Variants in STX2 observed in about 807,000 individuals in gnomAD.
STX2 encodes syntaxin-2.
STX2 carries 27 observed loss-of-function variants against 40.6 expected under a neutral mutation model. The observed-to-expected ratio is 0.66, with a 90% CI of 0.49 to 0.92. The LOEUF (loss-of-function observed/expected upper bound fraction) is 0.92, where lower values mean the gene tolerates loss of function less well. Ranked by LOEUF, STX2 falls within the 40% of genes least tolerant of loss-of-function variation. The pLI is 0.00. For synonymous variants in STX2, 123 were observed against 119.1 expected (o/e 1.03, Z -0.22); for missense variants, 328 against 366.1 (o/e 0.90, Z 0.85).
intron 5 of STX2, among the ~76,000 whole-genome samples, 161 bp downstream of exon 5, chr12:130,808,470 G>C (rs1230198260): frequency 6.6e-6 from 1 of 152,068 alleles, no homozygotes; most frequent in African/African-American, 2.4e-5. Flanking sequence ...ATAAACCTCT[G>C]TCTCAGATAC....
rs1253349862 is a variant in STX2, at chr12:130,821,628, G to A, written c.205+61C>T. 2.1e-5 allele frequency: 29 copies of A among 1,358,012 alleles called. 1 individual carries two copies. Among genetic ancestry groups the A allele is most frequent in the South Asian group, 3.5e-5 (3 of 84,658 alleles). 84.1% of individuals were successfully genotyped at this position (1,358,012 alleles called of 1,614,324 possible). A position where few individuals can be genotyped will look rare whatever the true frequency, so the allele number is the denominator to read the frequency against. ...TGAGGCCAGAGTTGAGGCCTGTGCC[G>A]CAGACAGCCAGAGGGACACACAGAC... is the stretch of plus-strand genomic sequence containing the variant. On this transcript the variant is annotated intron_variant, in intron 3 of 10. Transcript: ENST00000392373.
chr12:130,803,686 A>C lies in STX2; in HGVS notation c.464-2198T>G, dbSNP rs994362410. Among the ~76,000 whole-genome samples, 955 of 128,432 alleles carry C rather than the reference A, an allele frequency of 7.4e-3. 14 individuals carry two copies. The highest frequency in any genetic ancestry group is 9.8e-3 in the African/African-American group (325 of 33,112). The allele number at this position is 128,432 out of a possible 152,430, so 84.3% of individuals were successfully genotyped here. A position where few individuals can be genotyped will look rare whatever the true frequency, so the allele number is the denominator to read the frequency against. On this transcript the variant is annotated intron_variant, in intron 6 of 10. Transcript: ENST00000392373. Reference sequence around the variant, plus strand: ...TCTCTCAAAAAAAAAAAAAAAAAAAAAAACAAACTAAAAGTTACAGTTCAT... The same window carrying C: ...TCTCTCAAAAAAAAAAAAAAAAAAACAAACAAACTAAAAGTTACAGTTCAT...
chr12:130,815,754 T>G (rs1357037861), intron 3 of STX2, among the ~76,000 whole-genome samples: 2 of 152,192 alleles, frequency 1.3e-5, no homozygotes, highest in East Asian at 3.9e-4. Context: ...CACTTGTTTG[T>G]AGGGGGGCAA....
intron 4 of STX2, 55 bp downstream of exon 4, chr12:130,812,902 T>A: frequency 8.1e-7 from 1 of 1,230,760 alleles, no homozygotes; most frequent in Non-Finnish European, 1.1e-6. Flanking sequence ...AAGAAAAAAA[T>A]AACAAATACC....
At chr12:130,834,418 T>C (rs1952686712) in intron 1 of STX2, among the ~76,000 whole-genome samples, 1 of 146,230 alleles carries the variant, frequency 6.8e-6, no homozygotes, top group Non-Finnish European at 1.5e-5. Context: ...AGAAGTCCAG[T>C]GGTTCAGACA....
At position 130,833,058 on chromosome 12, in the gene STX2, C is replaced by CCA. The variant is rs1165642371; in HGVS notation, c.31-5793_31-5792dup. 2.0e-5 allele frequency among the ~76,000 whole-genome samples: 3 copies of CCA among 152,322 alleles called. No homozygotes were observed. The East Asian group carries it at 5.8e-4, about 29-fold the overall frequency. ...GCTGTCTATCTCCCAGCTGCAGGTTCCACAAGAGCAAGGACTTCTGTCTTT... is the reference window on the plus strand; with the variant it reads ...GCTGTCTATCTCCCAGCTGCAGGTTCCACACAAGAGCAAGGACTTCTGTCTTT... On this transcript the variant is annotated intron_variant, in intron 1 of 10. Coordinates refer to ENST00000392373, the MANE Select transcript of STX2 (RefSeq NM_194356.4).
At chr12:130,799,149 G>C (rs1448069018) in intron 8 of STX2, among the ~76,000 whole-genome samples, 1 of 152,230 alleles carries the variant, frequency 6.6e-6, no homozygotes, top group South Asian at 2.1e-4. Context: ...AGCAAAGTGT[G>C]AGGGAGGTAA....
rs113721906 is a variant in STX2, at chr12:130,807,875, CTCT to C, written c.354+753_354+755del. Among the ~76,000 whole-genome samples the C allele has an allele frequency of 3.9e-3, 597 of 152,288 alleles. 2 individuals carry two copies. Among genetic ancestry groups the C allele is most frequent in the African/African-American group, 0.014 (564 of 41,560 alleles). ...GTCATGCAAAACACTGCCCTCCCTC[CTCT>C]TCTCAAACAGATGGCTGCAGTGACA... is the stretch of plus-strand genomic sequence containing the variant. On this transcript the variant is annotated intron_variant, in intron 5 of 10. Coordinates refer to ENST00000392373, the MANE Select transcript of STX2 (RefSeq NM_194356.4).
chr12:130,799,500 G>C (rs977568449), intron 8 of STX2, among the ~76,000 whole-genome samples: 1 of 152,124 alleles, frequency 6.6e-6, no homozygotes, highest in Non-Finnish European at 1.5e-5. Flanking sequence ...CCTTTGGAAT[G>C]CTTCCTGGAA....
chr12:130,824,372 G>T (rs191545541), intron 2 of STX2, among the ~76,000 whole-genome samples: 19 of 152,244 alleles, frequency 1.2e-4, no homozygotes, highest in Admixed American at 1.2e-3. Flanking sequence ...GTGACAGAGC[G>T]AGGCTCCGTC....
chr12:130,838,457 A>T (rs1175820900), intron 1 of STX2, among the ~76,000 whole-genome samples: 2 of 152,178 alleles, frequency 1.3e-5, no homozygotes, highest in Non-Finnish European at 2.9e-5. Context: ...CCCAGTTTCC[A>T]AAGCAAACTA....
intron 1 of STX2, among the ~76,000 whole-genome samples, chr12:130,833,303 C>T (rs200447209): frequency 6.0e-5 from 3 of 50,368 alleles, no homozygotes; most frequent in Middle Eastern, 9.6e-3. Flanking sequence ...AAAACGGCCA[C>T]GACACAAGGA....
intron 1 of STX2, among the ~76,000 whole-genome samples, chr12:130,828,786 TGAACCC>T (rs1952433350): frequency 6.7e-6 from 1 of 149,848 alleles, no homozygotes; most frequent in African/African-American, 2.5e-5. Flanking sequence ...GAAAATGGCA[TGAACCC>T]GGGAGGTGGA....
At chr12:130,803,690 C>A (rs4572177) in intron 6 of STX2, among the ~76,000 whole-genome samples, 4,529 of 9,288 alleles carry the variant, frequency 0.49, 866 homozygotes, top group East Asian at 0.55. Context: ...AAAAAAAAAA[C>A]AAACTAAAAG....
chr12:130,792,850 G>A (rs979884460), intron 10 of STX2, among the ~76,000 whole-genome samples: 3 of 152,182 alleles, frequency 2.0e-5, no homozygotes, highest in Admixed American at 6.5e-5. Context: ...CTGATGGTCT[G>A]GAAGCAGGGT....
intron 3 of STX2, among the ~76,000 whole-genome samples, chr12:130,814,160 GTGACAGGTCACGCACCAGTGA>G (rs575873394): frequency 1.0e-3 from 158 of 152,266 alleles, no homozygotes; most frequent in African/African-American, 3.6e-3. Flanking sequence ...ATCTCCAGAG[GTGACAGGTCACGCACCAGTGA>G]CACCTACTGA....
chr12:130,793,172 C>T (rs1438568206), intron 10 of STX2, among the ~76,000 whole-genome samples: 2 of 152,178 alleles, frequency 1.3e-5, no homozygotes, highest in Non-Finnish European at 2.9e-5. Flanking sequence ...ATGGCAGGCC[C>T]CGGTGAGCCT....
chr12:130,812,367 T>C (rs1280509057), intron 4 of STX2: 1 of 425,072 alleles, frequency 2.4e-6, no homozygotes, highest in African/African-American at 2.1e-5. Context: ...CGGGTGCGGG[T>C]GGGAGCTCAT....
At chr12:130,829,405 C>T (rs1017418812) in intron 1 of STX2, among the ~76,000 whole-genome samples, 31 of 152,196 alleles carry the variant, frequency 2.0e-4, no homozygotes, top group African/African-American at 6.5e-4. Flanking sequence ...CTCGCAGGGA[C>T]GGCAGAGCAG....
Sources: allele counts gnomAD v4.1 joint callset (sites outside exome capture counted in the v4.1 genomes callset), GRCh38; gene constraint gnomAD v4.1.1; transcripts MANE v1.5; gene names NCBI Gene and HGNC (gene_info 2026-07-23, HGNC 2026-07-21).